Variants in SH2D4B observed in about 807,000 individuals in gnomAD.
The protein encoded by SH2D4B is SH2 domain-containing protein 4B.
In SH2D4B, 45 loss-of-function variants were observed where a neutral mutation model predicts 61.5. The observed-to-expected ratio is 0.73, with a 90% CI of 0.58 to 0.94. SH2D4B has a LOEUF of 0.94. Ranked by LOEUF, SH2D4B falls within the 40% of genes least tolerant of loss-of-function variation. SH2D4B has a pLI of 0.00. For synonymous variants in SH2D4B, 224 were observed against 220.4 expected (o/e 1.02, Z -0.14); for missense variants, 572 against 574.2 (o/e 1.00, Z 0.04).
intron 7 of SH2D4B, among the ~76,000 whole-genome samples, chr10:80,639,470 T>C (rs1840250193): frequency 6.6e-6 from 1 of 152,244 alleles, no homozygotes; most frequent in Non-Finnish European, 1.5e-5. Flanking sequence ...TGCTCCTGTA[T>C]TGGGTGCATA....
chr10:80,548,133 C>T (rs1841706287), intron 1 of SH2D4B, among the ~76,000 whole-genome samples: 1 of 152,146 alleles, frequency 6.6e-6, no homozygotes, highest in Non-Finnish European at 1.5e-5. Flanking sequence ...AGCTCATTTT[C>T]TGAGGGATTC....
intron 1 of SH2D4B, among the ~76,000 whole-genome samples, chr10:80,559,655 T>TTTTG (rs11378434): frequency 6.7e-6 from 1 of 150,288 alleles, no homozygotes; most frequent in African/African-American, 2.5e-5. Flanking sequence ...TTTTTTTTTT[T>TTTTG]GAGACAGGGT....
chr10:80,572,391 A>C (rs1397660003), intron 3 of SH2D4B, among the ~76,000 whole-genome samples: 1 of 152,130 alleles, frequency 6.6e-6, no homozygotes, highest in Non-Finnish European at 1.5e-5. Context: ...GGTAACGTTG[A>C]GCTTTTTAAT....
intron 5 of SH2D4B, among the ~76,000 whole-genome samples, chr10:80,604,997 G>A (rs1166884053): frequency 2.6e-5 from 4 of 152,128 alleles, no homozygotes; most frequent in Non-Finnish European, 5.9e-5. Flanking sequence ...GTTTCACTGT[G>A]TTAGCCAGGA....
intron 1 of SH2D4B, among the ~76,000 whole-genome samples, chr10:80,562,899 T>C (rs982582126): frequency 4.8e-5 from 6 of 126,062 alleles, no homozygotes; most frequent in Non-Finnish European, 9.7e-5. Flanking sequence ...TTTTTCTTTT[T>C]TTTTTTTTTT....
At chr10:80,640,202 T>C (rs1470702336) in intron 7 of SH2D4B, among the ~76,000 whole-genome samples, 1 of 152,226 alleles carries the variant, frequency 6.6e-6, no homozygotes, top group Non-Finnish European at 1.5e-5. Flanking sequence ...CCGACCTTTC[T>C]CTCCCGCTGC....
chr10:80,561,596 G>T (rs1199707638), intron 1 of SH2D4B, among the ~76,000 whole-genome samples: 1 of 152,138 alleles, frequency 6.6e-6, no homozygotes, highest in Non-Finnish European at 1.5e-5. Flanking sequence ...TAGACTTACA[G>T]AAGAGTTGCA....
chr10:80,607,808 G>T (rs2132143081), intron 5 of SH2D4B, among the ~76,000 whole-genome samples: 1 of 152,292 alleles, frequency 6.6e-6, no homozygotes, highest in African/African-American at 2.4e-5. Flanking sequence ...AACAAAATAA[G>T]AATTTACCAG....
chr10:80,586,525 T>G (rs988720173), intron 3 of SH2D4B, among the ~76,000 whole-genome samples: 8 of 152,152 alleles, frequency 5.3e-5, no homozygotes, highest in African/African-American at 1.9e-4. Flanking sequence ...AGAACCTTTG[T>G]GTCCACACTC....
chr10:80,638,776 G>C (rs1451327487), intron 7 of SH2D4B, among the ~76,000 whole-genome samples: 4 of 151,970 alleles, frequency 2.6e-5, no homozygotes, highest in Non-Finnish European at 5.9e-5. Flanking sequence ...TTTTTTGTGT[G>C]TCTATCTCCT....
Position 80,539,586 on chromosome 10 carries a change from C to A in SH2D4B, c.184+1071C>A, listed in dbSNP as rs1564762566. 6.6e-6 allele frequency among the ~76,000 whole-genome samples: 1 copy of A among 152,334 alleles called. No individual in the cohort carries two copies. The highest frequency in any genetic ancestry group is 1.9e-4 in the East Asian group (1 of 5,180). On this transcript the variant is annotated intron_variant, in intron 1 of 7. Transcript: ENST00000646907. This position sits in a 1 kb window ranked among gnomAD's most constrained non-coding sequence, Gnocchi z 4.9. The stretch of plus-strand genomic sequence containing the variant: ...CTGACAGACTCCATCAGGAGTGGCC[C>A]CCCTGCCCTGGAGTGTTCAGGGATG...
chr10:80,594,872 C>T (rs565573666), intron 4 of SH2D4B, among the ~76,000 whole-genome samples: 6 of 152,254 alleles, frequency 3.9e-5, no homozygotes, highest in Middle Eastern at 3.4e-3. Context: ...AGTCCTAAAA[C>T]ACCCAGAACT....
At chr10:80,572,972 ATATATATATATATATTTTTTTTTTTTT>A in intron 3 of SH2D4B, among the ~76,000 whole-genome samples, 1 of 9,268 alleles carries the variant, frequency 1.1e-4, no homozygotes, top group African/African-American at 2.9e-4. Flanking sequence ...ATATATATAT[ATATATATATATATATTTTTTTTTTTTT>A]TTTTTTTTTT....
At chr10:80,574,858 A>G (rs1842106432) in intron 3 of SH2D4B, among the ~76,000 whole-genome samples, 1 of 151,650 alleles carries the variant, frequency 6.6e-6, no homozygotes, top group Non-Finnish European at 1.5e-5. Context: ...CCACCACCAC[A>G]CCCAGCTAAT....
At chr10:80,600,417 G>A (rs1221158619) in intron 4 of SH2D4B, among the ~76,000 whole-genome samples, 1 of 152,170 alleles carries the variant, frequency 6.6e-6, no homozygotes, top group Non-Finnish European at 1.5e-5. Context: ...GGGTGGGCCT[G>A]AGATTTCTGA....
intron 5 of SH2D4B, 49 bp from the exon 6 acceptor site, chr10:80,609,375 C>G: frequency 2.1e-5 from 33 of 1,574,496 alleles, no homozygotes; most frequent in Non-Finnish European, 2.9e-5. Context: ...TCCCTCCGCT[C>G]TTTCTCCCTC....
chr10:80,554,211 C>G (rs1841797946), intron 1 of SH2D4B, among the ~76,000 whole-genome samples: 1 of 152,224 alleles, frequency 6.6e-6, no homozygotes, highest in South Asian at 2.1e-4. Flanking sequence ...GGGGCAGCCG[C>G]TTCCTCGCAG....
intron 1 of SH2D4B, among the ~76,000 whole-genome samples, chr10:80,563,300 T>C (rs1387527968): frequency 6.6e-6 from 1 of 152,228 alleles, no homozygotes; most frequent in Non-Finnish European, 1.5e-5. Context: ...TTGGGTTATT[T>C]GTTTTCTTCT....
chr10:80,634,671 C>T (rs527724302), intron 7 of SH2D4B, among the ~76,000 whole-genome samples, 166 bp downstream of exon 7: 14 of 152,220 alleles, frequency 9.2e-5, no homozygotes, highest in African/African-American at 1.4e-4. Flanking sequence ...GTTGTCCACA[C>T]GGGGCCCGAG....
Sources: allele counts gnomAD v4.1 joint callset (sites outside exome capture counted in the v4.1 genomes callset), GRCh38; gene constraint gnomAD v4.1.1; non-coding constraint Gnocchi (gnomAD v3.1); transcripts MANE v1.5; gene names NCBI Gene and HGNC (gene_info 2026-07-23, HGNC 2026-07-21).